Variants in CD1B observed in about 807,000 individuals in gnomAD.
CD1B encodes T-cell surface glycoprotein CD1b.
In CD1B, 43 loss-of-function variants were observed where a neutral mutation model predicts 39.8. The observed-to-expected ratio is 1.08, with a 90% CI of 0.85 to 1.39. The LOEUF is 1.39. Ranked by LOEUF, CD1B falls within the 40% of genes most tolerant of loss-of-function variation. CD1B has a pLI of 0.00. For synonymous variants in CD1B, 192 were observed against 152.5 expected, an observed-to-expected ratio of 1.26 and a Z score of -1.91; for missense variants, 495 against 403.8, an observed-to-expected ratio of 1.23 and a Z score of -1.94.
At chr1:158,302,543 T>C in the CD1B span, among the ~76,000 whole-genome samples, 1 of 151,792 alleles carries the variant, frequency 6.6e-6, no homozygotes, top group Non-Finnish European at 1.5e-5. Context: ...CAGACTAGAA[T>C]AATAAAGGAG....
chr1:158,326,961 T>A (rs1366298903), downstream of CD1B, among the ~76,000 whole-genome samples: 1 of 152,130 alleles, frequency 6.6e-6, no homozygotes, highest in African/African-American at 2.4e-5. Context: ...CATGCCCGGC[T>A]AATTTTTGTA....
At chr1:158,307,976 T>G in the CD1B span, among the ~76,000 whole-genome samples, 1 of 152,188 alleles carries the variant, frequency 6.6e-6, no homozygotes, top group Non-Finnish European at 1.5e-5. Flanking sequence ...TGTTGGAAGT[T>G]CTGGCCAGGG....
the CD1B span, among the ~76,000 whole-genome samples, chr1:158,320,289 G>T: frequency 2.0e-5 from 3 of 152,190 alleles, no homozygotes; most frequent in Admixed American, 6.5e-5. Context: ...ATCTCAGACT[G>T]CGGTGCTAGC....
In CD1B at chr1:158,328,948, CAT is replaced by C; in HGVS notation, c.951_952del (p.Cys318ProfsTer79). 6.2e-7 allele frequency: 1 copy of C among 1,613,148 alleles called. No homozygotes were observed. The highest frequency in any genetic ancestry group is 1.1e-5 in the South Asian group (1 of 91,014). On this transcript the variant is annotated frameshift_variant, in exon 5 of 6. Transcript: ENST00000368168. LOFTEE classifies it low-confidence loss of function (END_TRUNC). ...GCGCCTCATATACCATAATGCAAGG[CAT>C]AGCAAAAGGAGCAAGGAAGGCACTA...
chr1:158,292,497 C>A, the CD1B span: 1 of 1,488,888 alleles, frequency 6.7e-7, no homozygotes, highest in Non-Finnish European at 9.1e-7. Flanking sequence ...TTCTTAGAGG[C>A]AGGAAAAAGA....
At chr1:158,316,910 G>C in the CD1B span, among the ~76,000 whole-genome samples, 8 of 151,780 alleles carry the variant, frequency 5.3e-5, no homozygotes, top group Non-Finnish European at 8.8e-5. Context: ...CATCTATTGA[G>C]ATAATCATGT....
At chr1:158,322,916 C>T in the CD1B span, among the ~76,000 whole-genome samples, 3 of 152,174 alleles carry the variant, frequency 2.0e-5, no homozygotes, top group Non-Finnish European at 2.9e-5. Flanking sequence ...TCTATTACTG[C>T]TTTTAGAATG....
the CD1B span, chr1:158,290,103 C>T: frequency 1.2e-6 from 2 of 1,613,932 alleles, no homozygotes; most frequent in Non-Finnish European, 1.7e-6. Flanking sequence ...CTCTTCTTCT[C>T]CCAGGTGGTG....
chr1:158,291,852 C>T, the CD1B span, among the ~76,000 whole-genome samples: 13 of 152,190 alleles, frequency 8.5e-5, no homozygotes, highest in Non-Finnish European at 1.5e-4. Context: ...TATCATTTTT[C>T]CACATCTTCC....
At chr1:158,287,681 C>T in the CD1B span, among the ~76,000 whole-genome samples, 11 of 152,238 alleles carry the variant, frequency 7.2e-5, 1 homozygote, top group Admixed American at 6.5e-5. Flanking sequence ...AACTTGTTTG[C>T]TTCTGAATTC....
the CD1B span, among the ~76,000 whole-genome samples, chr1:158,314,485 C>T: frequency 6.6e-6 from 1 of 151,990 alleles, no homozygotes; most frequent in South Asian, 2.1e-4. Context: ...ATCGTTGCTT[C>T]TCTTCTACTA....
chr1:158,300,767 T>C, the CD1B span, among the ~76,000 whole-genome samples: 2 of 150,666 alleles, frequency 1.3e-5, no homozygotes, highest in Non-Finnish European at 3.0e-5. Flanking sequence ...TCTCTTTTTT[T>C]TTTTTTTTTG....
At chr1:158,299,387 C>A in the CD1B span, among the ~76,000 whole-genome samples, 2 of 152,086 alleles carry the variant, frequency 1.3e-5, no homozygotes, top group African/African-American at 4.8e-5. Context: ...GGTGGATAAG[C>A]TTTTTGATGT....
At chr1:158,329,148 T>G (rs970895470) in intron 4 of CD1B, 134 bp from the exon 5 acceptor site, 3 of 927,332 alleles carry the variant, frequency 3.2e-6, no homozygotes, top group African/African-American at 3.3e-5. Context: ...CCACCATATA[T>G]CCATCCTTTG....
chr1:158,300,966 GC>G, the CD1B span, among the ~76,000 whole-genome samples: 1 of 151,692 alleles, frequency 6.6e-6, no homozygotes, highest in Non-Finnish European at 1.5e-5. Flanking sequence ...CACCATATTA[GC>G]CAGGATGGTC....
At chr1:158,285,498 G>T in the CD1B span, among the ~76,000 whole-genome samples, 1 of 152,164 alleles carries the variant, frequency 6.6e-6, no homozygotes, top group Non-Finnish European at 1.5e-5. Flanking sequence ...ATAGAGAGGA[G>T]ACCCAAGGGA....
chr1:158,300,178 A>T, the CD1B span, among the ~76,000 whole-genome samples: 2 of 152,298 alleles, frequency 1.3e-5, no homozygotes, highest in Admixed American at 1.3e-4. Context: ...AGATTCTGGT[A>T]CATTGTGTCT....
At chr1:158,287,655 A>G in the CD1B span, among the ~76,000 whole-genome samples, 1 of 152,166 alleles carries the variant, frequency 6.6e-6, no homozygotes, top group Non-Finnish European at 1.5e-5. Context: ...AGATCCATCT[A>G]TCTCATGTTA....
the CD1B span, chr1:158,292,142 A>G: frequency 3.1e-6 from 5 of 1,614,040 alleles, no homozygotes; most frequent in Admixed American, 5.0e-5. Context: ...AGAGCCCAGA[A>G]GGCTTCTTTC....
Sources: gnomAD v4.1 joint callset for allele counts (sites outside exome capture counted in the v4.1 genomes callset) on GRCh38, gnomAD v4.1.1 for gene constraint, MANE v1.5 for transcripts, NCBI Gene and HGNC (gene_info 2026-07-23, HGNC 2026-07-21) for gene names.